The following CLEC16A variants were observed in gnomAD, a reference collection of about 807,000 sequenced individuals.
The protein encoded by CLEC16A is protein CLEC16A.
CLEC16A carries 51 observed loss-of-function variants against 109.5 expected under a neutral mutation model. That is an observed-to-expected ratio of 0.47 (90% CI 0.37 to 0.59). The LOEUF is 0.59. Ranked by LOEUF, CLEC16A falls within the 20% of genes least tolerant of loss-of-function variation. The pLI is 0.00. For synonymous variants in CLEC16A, 673 were observed against 564.2 expected (o/e 1.19, Z -2.73); for missense variants, 1,339 against 1,394.0 (o/e 0.96, Z 0.63).
chr16:11,170,307 G>A (rs923510447), intron 23 of CLEC16A, among the ~76,000 whole-genome samples: 2 of 152,208 alleles, frequency 1.3e-5, no homozygotes, highest in African/African-American at 4.8e-5. Flanking sequence ...ACCCCTGGGG[G>A]AGGAAGGCCT....
Position 11,050,747 on chromosome 16 carries a change from T to C in CLEC16A, c.1867-766T>C, listed in dbSNP as rs1247656154. Among the ~76,000 whole-genome samples the C allele has an allele frequency of 2.6e-5, 4 of 152,218 alleles. No homozygotes were observed. In the East Asian group the frequency reaches 7.7e-4, roughly 29 times the overall value. On this transcript the variant is annotated intron_variant, in intron 17 of 23. Transcript: ENST00000409790. Reference sequence around the variant, plus strand: ...TCCTCCTCTGAGCTCAGTGTCCCTTTTATGATGGGCCCACCAGCACCTGCC... The same window carrying C: ...TCCTCCTCTGAGCTCAGTGTCCCTTCTATGATGGGCCCACCAGCACCTGCC...
At chr16:11,129,088 C>T (rs557456742) in intron 22 of CLEC16A, among the ~76,000 whole-genome samples, 1 of 152,168 alleles carries the variant, frequency 6.6e-6, no homozygotes, top group Non-Finnish European at 1.5e-5. Flanking sequence ...CACTCTAGCC[C>T]CAACCCCAGC....
chr16:11,049,351 C>T (rs2047810076), intron 17 of CLEC16A, among the ~76,000 whole-genome samples: 1 of 152,078 alleles, frequency 6.6e-6, no homozygotes, highest in Non-Finnish European at 1.5e-5. Flanking sequence ...TACCTCATAG[C>T]CACCCAGGCT....
At chr16:11,081,786 G>A (rs1383465656) in intron 19 of CLEC16A, among the ~76,000 whole-genome samples, 1 of 152,216 alleles carries the variant, frequency 6.6e-6, no homozygotes, top group Non-Finnish European at 1.5e-5. Flanking sequence ...TCATTAAATG[G>A]TCCGCTGCAG....
chr16:11,160,789 C>T (rs1179397968), intron 22 of CLEC16A, among the ~76,000 whole-genome samples: 2 of 152,222 alleles, frequency 1.3e-5, no homozygotes, highest in Admixed American at 6.5e-5. Context: ...GACCCAAACT[C>T]CTTCCTTTTC....
chr16:11,121,177 A>G (rs1041877353), intron 20 of CLEC16A, among the ~76,000 whole-genome samples: 1 of 152,182 alleles, frequency 6.6e-6, no homozygotes, highest in Non-Finnish European at 1.5e-5. Flanking sequence ...TTTGTCATTC[A>G]ATATCAATAG....
chr16:11,036,928 G>T (rs1418978042), intron 13 of CLEC16A, among the ~76,000 whole-genome samples: 1 of 152,192 alleles, frequency 6.6e-6, no homozygotes, highest in East Asian at 1.9e-4. Context: ...CATGCATTAA[G>T]CAGTGCTCAA....
intron 19 of CLEC16A, among the ~76,000 whole-genome samples, chr16:11,106,453 C>T (rs11648123): frequency 0.39 from 57,165 of 145,630 alleles, 11,370 homozygotes; most frequent in Non-Finnish European, 0.43. Flanking sequence ...CACACCCAGC[C>T]CAATTTTTTT....
At chr16:11,126,176 C>G (rs773842225) in intron 22 of CLEC16A, 30 bp downstream of exon 22, 2 of 1,613,520 alleles carry the variant, frequency 1.2e-6, no homozygotes, top group Non-Finnish European at 8.5e-7. Flanking sequence ...TGCGCCACAG[C>G]TCGTTCATCA....
chr16:10,985,220 A>AAAATATATATAT (rs1555526163), intron 10 of CLEC16A, among the ~76,000 whole-genome samples: 1 of 104,088 alleles, frequency 9.6e-6, no homozygotes, highest in African/African-American at 4.6e-5. Context: ...AAAAAAAAAA[A>AAAATATATATAT]ATATATATAT....
chr16:10,986,581 C>G (rs950141350), intron 10 of CLEC16A, among the ~76,000 whole-genome samples: 21 of 152,300 alleles, frequency 1.4e-4, no homozygotes, highest in African/African-American at 5.1e-4. Flanking sequence ...CACCATTCTC[C>G]TCTCTGCATG....
chr16:11,040,042 G>A, intron 14 of CLEC16A, 166 bp downstream of exon 14: 1 of 785,978 alleles, frequency 1.3e-6, no homozygotes, highest in East Asian at 2.9e-5. Context: ...CAGCCCTCCT[G>A]CCTGCTGGGA....
chr16:11,046,033 C>T (rs1359432737), intron 16 of CLEC16A, among the ~76,000 whole-genome samples: 80 of 152,110 alleles, frequency 5.3e-4, no homozygotes, highest in Non-Finnish European at 5.9e-5. Flanking sequence ...TCCCAAACCG[C>T]ACTTGGCCTC....
At chr16:11,015,829 G>A (rs2045712578) in intron 11 of CLEC16A, among the ~76,000 whole-genome samples, 1 of 152,234 alleles carries the variant, frequency 6.6e-6, no homozygotes, top group African/African-American at 2.4e-5. Flanking sequence ...TTCCCACTGT[G>A]TCAACCAAGC....
chr16:11,006,022 C>T (rs1216274685), intron 11 of CLEC16A, among the ~76,000 whole-genome samples: 1 of 151,880 alleles, frequency 6.6e-6, no homozygotes, highest in Non-Finnish European at 1.5e-5. Flanking sequence ...ATTTAGAAAT[C>T]CAACTCAGAC....
At chr16:11,112,844 G>A (rs1342472135) in intron 19 of CLEC16A, among the ~76,000 whole-genome samples, 2 of 152,230 alleles carry the variant, frequency 1.3e-5, no homozygotes, top group East Asian at 3.8e-4. Flanking sequence ...GGAGACATCT[G>A]CCATCCTACC....
intron 19 of CLEC16A, among the ~76,000 whole-genome samples, chr16:11,081,911 A>C (rs1355848078): frequency 6.6e-6 from 1 of 152,202 alleles, no homozygotes; most frequent in Non-Finnish European, 1.5e-5. Context: ...ATGCACCTGT[A>C]GTCCCAGCTA....
chr16:11,111,990 A>C (rs575607846), intron 19 of CLEC16A, among the ~76,000 whole-genome samples: 19 of 152,354 alleles, frequency 1.2e-4, no homozygotes, highest in Admixed American at 7.8e-4. Context: ...AAAGCTTCTA[A>C]ACACTCCGAA....
Position 11,121,042 on chromosome 16 carries a change from T to G in CLEC16A, c.2268+276T>G, listed in dbSNP as rs1425635921. The stretch of plus-strand genomic sequence containing the variant: ...TATCAGTGTGACCTTTCCAGATCTG[T>G]TTTTCTGCCAAAGGCATATATAAAT... On this transcript the variant is annotated intron_variant, in intron 20 of 23. Coordinates refer to ENST00000409790, the MANE Select transcript of CLEC16A (RefSeq NM_015226.3). Among the ~76,000 whole-genome samples the G allele has an allele frequency of 3.3e-5, 5 of 152,182 alleles. 1 individual carries two copies. Among genetic ancestry groups the G allele is most frequent in the Admixed American group, 3.3e-4 (5 of 15,278 alleles).
Sources: allele counts gnomAD v4.1 joint callset (sites outside exome capture counted in the v4.1 genomes callset), GRCh38; gene constraint gnomAD v4.1.1; transcripts MANE v1.5; gene names NCBI Gene and HGNC (gene_info 2026-07-23, HGNC 2026-07-21).